SHCBP1: variants seen among roughly 807,000 people sequenced by gnomAD.
SHCBP1 encodes the protein SHC binding and spindle associated 1.
Under a neutral mutation model 75.1 loss-of-function variants are expected in SHCBP1, and 60 were observed. That is an observed-to-expected ratio of 0.80 (90% CI 0.65 to 0.99). SHCBP1 has a LOEUF of 0.99. Ranked by LOEUF, SHCBP1 falls within the 50% of genes least tolerant of loss-of-function variation. SHCBP1 has a pLI of 0.00. For synonymous variants in SHCBP1, 290 were observed against 293.2 expected, an observed-to-expected ratio of 0.99 and a Z score of 0.11; for missense variants, 709 against 809.4, an observed-to-expected ratio of 0.88 and a Z score of 1.50.
intron 1 of SHCBP1, among the ~76,000 whole-genome samples, chr16:46,619,974 G>A (rs1278209486): frequency 3.3e-5 from 5 of 152,136 alleles, no homozygotes; most frequent in African/African-American, 7.2e-5. Flanking sequence ...GGCAGAGGTT[G>A]CAGTGAGCTG....
intron 5 of SHCBP1, among the ~76,000 whole-genome samples, chr16:46,605,231 T>C (rs865878289): frequency 1.6e-4 from 24 of 152,310 alleles, no homozygotes; most frequent in Middle Eastern, 3.4e-3. Flanking sequence ...TATTTCTAGA[T>C]GCAATAAAAT....
chr16:46,609,544 T>A (rs7205598), intron 4 of SHCBP1, among the ~76,000 whole-genome samples: 2 of 149,520 alleles, frequency 1.3e-5, no homozygotes, highest in Admixed American at 1.3e-4. Flanking sequence ...CTCTGCCTCC[T>A]GGGTTCGAGC....
intron 9 of SHCBP1, 52 bp downstream of exon 9, chr16:46,599,779 G>A (rs543005559): frequency 2.4e-5 from 36 of 1,474,798 alleles, no homozygotes; most frequent in South Asian, 5.3e-5. Flanking sequence ...AGAGAGAACC[G>A]TTTACCTTCA....
chr16:46,604,260 T>C lies in SHCBP1; in HGVS notation c.891A>G (p.Gln297=), dbSNP rs1166678366. 4 of 1,614,122 alleles carry C rather than the reference T, an allele frequency of 2.5e-6. No individual in the cohort carries two copies. Among genetic ancestry groups the C allele is most frequent in the Non-Finnish European group, 3.4e-6 (4 of 1,180,054 alleles). The change falls in exon 6 of 13, where the codon CAA becomes CAG. Residue 297 remains glutamine (Q), a synonymous_variant. Coordinates refer to ENST00000303383, the MANE Select transcript of SHCBP1 (RefSeq NM_024745.5). ...KLYSEMEQLK[Q]KLKLIENPLL... ...AAGGATTCTCAATGAGTTTCAGCTT[T>C]TGTTTCAACTGTTCCATCTCCGAAT...
chr16:46,595,602 G>T lies in SHCBP1; in HGVS notation c.1414C>A (p.Arg472=). ...LQCETTGVTV[R]TSAEFLMKNS... is the part of the protein sequence containing the mutation. ...TTCATTAGAAACTCTGCTGATGTCC[G>T]CACTGTGACTCCGGTCGTCTCACAC... is the stretch of plus-strand genomic sequence containing the variant. Residue 472 remains arginine, a synonymous_variant, in exon 10 of 13, where the codon CGG becomes AGG. Coordinates refer to ENST00000303383, the MANE Select transcript of SHCBP1 (RefSeq NM_024745.5). 2 of 1,614,054 alleles carry T rather than the reference G, an allele frequency of 1.2e-6. No individual in the cohort carries two copies. Among genetic ancestry groups the T allele is most frequent in the Middle Eastern group, 3.3e-4 (2 of 6,060 alleles).
At chr16:46,602,744 C>T (rs923549537) in intron 8 of SHCBP1, among the ~76,000 whole-genome samples, 10 of 152,202 alleles carry the variant, frequency 6.6e-5, no homozygotes, top group African/African-American at 2.4e-4. Context: ...GATTGTTCTG[C>T]CTCAGCCTCC....
intron 9 of SHCBP1, among the ~76,000 whole-genome samples, chr16:46,599,453 A>G (rs1965193884): frequency 6.6e-6 from 1 of 152,026 alleles, no homozygotes; most frequent in Non-Finnish European, 1.5e-5. Flanking sequence ...AACCCACACA[A>G]TTATCAGTTA....
At chr16:46,597,905 TC>T (rs1322653187) in intron 9 of SHCBP1, among the ~76,000 whole-genome samples, 1 of 152,180 alleles carries the variant, frequency 6.6e-6, no homozygotes, top group Non-Finnish European at 1.5e-5. Context: ...CACAGCATCC[TC>T]CCCAGGAAAT....
intron 4 of SHCBP1, among the ~76,000 whole-genome samples, chr16:46,611,311 T>C (rs1461342000): frequency 6.6e-6 from 1 of 152,234 alleles, no homozygotes; most frequent in African/African-American, 2.4e-5. Context: ...CAAAAATTCA[T>C]AAAGTATACA....
At chr16:46,595,806 C>A in intron 9 of SHCBP1, 136 bp from the exon 10 acceptor site, 1 of 558,266 alleles carries the variant, frequency 1.8e-6, no homozygotes, top group Non-Finnish European at 3.1e-6. Flanking sequence ...ACCTAAATTA[C>A]AAATTCATAA....
Position 46,585,646 on chromosome 16 carries a change from G to A in SHCBP1, c.1465-1557C>T, listed in dbSNP as rs139780676. Among the ~76,000 whole-genome samples the A allele has an allele frequency of 6.4e-3, 973 of 152,270 alleles. 14 individuals are homozygous for A. The highest frequency in any genetic ancestry group is 0.023 in the African/African-American group (937 of 41,534). ...ACTTTCATCCCCACCAACCACAGTT[G>A]CAAGGCCCTCCCTGCAGCAGTGTCA... On this transcript the variant is annotated intron_variant, in intron 10 of 12. Coordinates refer to ENST00000303383, the MANE Select transcript of SHCBP1 (RefSeq NM_024745.5).
chr16:46,600,008 A>T (rs1412316631), intron 8 of SHCBP1, 46 bp from the exon 9 acceptor site: 3 of 1,605,024 alleles, frequency 1.9e-6, no homozygotes, highest in Non-Finnish European at 2.6e-6. Flanking sequence ...GAGGAAAAAC[A>T]TCTAAACGTG....
At chr16:46,612,525 A>C (rs2143001676) in intron 4 of SHCBP1, among the ~76,000 whole-genome samples, 1 of 151,926 alleles carries the variant, frequency 6.6e-6, no homozygotes, top group Non-Finnish European at 1.5e-5. Flanking sequence ...CGATTGAAAA[A>C]ACCTCTGCTG....
chr16:46,592,054 GTAAAA>G (rs1224244379), intron 10 of SHCBP1, among the ~76,000 whole-genome samples: 7 of 150,144 alleles, frequency 4.7e-5, no homozygotes, highest in African/African-American at 1.7e-4. Flanking sequence ...CCCAAAACAA[GTAAAA>G]TAAATCCAAA....
chr16:46,599,874 T>A lies in SHCBP1; in HGVS notation c.1302A>T (p.Ser434=), dbSNP rs779686579. ...CATCATGCTGAACAAATTTTATGCC[T>A]GAGATTTTAATATCAGCACCAGTGC... is the stretch of plus-strand genomic sequence containing the variant. ...VDCTGADIKI[S]GIKFVQHDAV... Residue 434 remains serine (S), a synonymous_variant, in exon 9 of 13, where the codon TCA becomes TCT. Transcript: ENST00000303383. 6.2e-7 allele frequency: 1 copy of A among 1,611,398 alleles called. No homozygotes were observed. The highest frequency in any genetic ancestry group is 2.2e-5 in the East Asian group (1 of 44,800).
intron 10 of SHCBP1, among the ~76,000 whole-genome samples, chr16:46,593,730 CCCTAGT>C (rs1965087766): frequency 2.3e-3 from 1 of 442 alleles, no homozygotes. Flanking sequence ...CAGAACAAGT[CCCTAGT>C]CCCTATCTCA....
At position 46,599,854 on chromosome 16, in the gene SHCBP1, T is replaced by C. The variant is rs1965204787; in HGVS notation, c.1322A>G (p.His441Arg). ...IKISGIKFVQ[H>R]DAVEGILIVH... ...ACTTAAGATTCCCTCTACAGCATCA[T>C]GCTGAACAAATTTTATGCCTGAGAT... Residue 441 changes from histidine (H) to arginine (R), a missense_variant, in exon 9 of 13, where the codon CAT (histidine) becomes CGT (arginine). Transcript: ENST00000303383. 5.6e-6 allele frequency: 9 copies of C among 1,611,694 alleles called. No homozygotes were observed. The highest frequency in any genetic ancestry group is 1.3e-5 in the African/African-American group (1 of 74,778).
In SHCBP1 at chr16:46,581,408, C is replaced by T; in HGVS notation, c.*321G>A. 7.6e-6 allele frequency: 2 copies of T among 263,604 alleles called. No individual in the cohort carries two copies. The highest frequency in any genetic ancestry group is 1.4e-5 in the Non-Finnish European group (2 of 138,340). 16.3% of individuals were successfully genotyped at this position (263,604 alleles called of 1,614,324 possible). On this transcript the variant is annotated 3_prime_UTR_variant, in exon 13 of 13. Transcript: ENST00000303383. ...AGTCTTGCATTCCCTTCCTTACTTC[C>T]TCGTCTTTGAAGTGCTAAAGGTAAT... is the stretch of plus-strand genomic sequence containing the variant.
chr16:46,609,442 C>CTTTTTTTTTTT (rs71158875), intron 4 of SHCBP1, among the ~76,000 whole-genome samples: 1 of 61,304 alleles, frequency 1.6e-5, no homozygotes, highest in Non-Finnish European at 2.8e-5. Context: ...CTTTTCTTTT[C>CTTTTTTTTTTT]TTTTTTTTTT....
Sources: gnomAD v4.1 joint callset for allele counts (sites outside exome capture counted in the v4.1 genomes callset) on GRCh38, gnomAD v4.1.1 for gene constraint, MANE v1.5 for transcripts, NCBI Gene and HGNC (gene_info 2026-07-23, HGNC 2026-07-21) for gene names.